MCU: variants seen among roughly 807,000 people sequenced by gnomAD.
The protein encoded by MCU is calcium uniporter protein, mitochondrial.
In MCU, 12 loss-of-function variants were observed where a neutral mutation model predicts 45.2. The ratio of observed to expected loss-of-function variants is 0.27; its 90% CI spans 0.17 to 0.43. MCU has a LOEUF of 0.43. MCU is among the 20% of genes least tolerant of loss of function. The probability of loss-of-function intolerance (pLI) is 1.00; values close to 1 mark genes in which losing one functional copy is unlikely to be tolerated. For missense variants in MCU, 324 were observed against 436.7 expected, an observed-to-expected ratio of 0.74 and a Z score of 2.30; for synonymous variants, 160 against 165.1, an observed-to-expected ratio of 0.97 and a Z score of 0.24.
intron 2 of MCU, among the ~76,000 whole-genome samples, chr10:72,852,782 A>G (rs530321079): frequency 1.3e-5 from 2 of 152,368 alleles, no homozygotes; most frequent in African/African-American, 4.8e-5. Flanking sequence ...GGAAATCTGC[A>G]TAGGCATCCT....
intron 1 of MCU, among the ~76,000 whole-genome samples, chr10:72,793,184 A>C (rs903171032): frequency 8.5e-5 from 13 of 152,054 alleles, no homozygotes; most frequent in African/African-American, 3.1e-4. Context: ...GCCTGATTAC[A>C]CTGCTTTTTA....
chr10:72,796,693 GT>G (rs34029455), intron 1 of MCU, among the ~76,000 whole-genome samples: 34 of 133,942 alleles, frequency 2.5e-4, no homozygotes, highest in South Asian at 7.2e-4. Context: ...TTTAGTTTTT[GT>G]TTTTTTTTTT....
chr10:72,839,091 G>A (rs569862577), intron 2 of MCU, among the ~76,000 whole-genome samples: 1 of 151,858 alleles, frequency 6.6e-6, no homozygotes, highest in African/African-American at 2.4e-5. Context: ...CTGGGTTCAA[G>A]CAATTCTCGT....
chr10:72,768,189 T>A (rs1344213704), intron 1 of MCU, among the ~76,000 whole-genome samples: 1 of 152,188 alleles, frequency 6.6e-6, no homozygotes, highest in Non-Finnish European at 1.5e-5. Context: ...AATAAAATTG[T>A]CATAGAATCT....
chr10:72,771,758 C>T (rs1843811900), intron 1 of MCU, among the ~76,000 whole-genome samples: 1 of 152,082 alleles, frequency 6.6e-6, no homozygotes, highest in African/African-American at 2.4e-5. Context: ...CACCTATCTA[C>T]CTATCGTCTA....
intron 1 of MCU, among the ~76,000 whole-genome samples, chr10:72,741,484 G>A (rs1435716927): frequency 6.6e-6 from 1 of 152,196 alleles, no homozygotes; most frequent in Non-Finnish European, 1.5e-5. Context: ...CAGTTTACTG[G>A]CATTTACTGA....
chr10:72,768,481 A>G (rs1292504115), intron 1 of MCU, among the ~76,000 whole-genome samples: 4 of 152,226 alleles, frequency 2.6e-5, no homozygotes, highest in Admixed American at 6.5e-5. Flanking sequence ...TAAGTAGTGA[A>G]GTTATCAAAC....
At chr10:72,839,053 G>T (rs539142969) in intron 2 of MCU, among the ~76,000 whole-genome samples, 2 of 151,188 alleles carry the variant, frequency 1.3e-5, no homozygotes, top group African/African-American at 4.9e-5. Context: ...GCAGTGGTGC[G>T]GTCTTGGCTC....
rs1158153986 is a variant in MCU at position 72,693,199 on chromosome 10, T to TGA, written c.150+911_150+912dup. The TGA allele has an allele frequency of 1.5e-3, 744 of 484,914 alleles. 2 individuals carry two copies. The highest frequency in any genetic ancestry group is 9.7e-3 in the African/African-American group (454 of 46,888). 30.0% of individuals were successfully genotyped at this position (484,914 alleles called of 1,614,324 possible). On this transcript the variant is annotated intron_variant, in intron 1 of 7. Transcript: ENST00000373053. ...GTGTGTGTGTGTGTGTGTGTGTGTG[T>TGA]GAGAGAGAGAGAGACAGAGTGTGAG...
At chr10:72,879,619 G>A (rs964173859) in intron 6 of MCU, among the ~76,000 whole-genome samples, 4 of 152,186 alleles carry the variant, frequency 2.6e-5, no homozygotes, top group Non-Finnish European at 2.9e-5. Flanking sequence ...ATTATCACAC[G>A]TGAAAAGTCG....
chr10:72,751,341 C>CTTTTTTTTTTTTTTTTTTTTTTTTT (rs71021528), intron 1 of MCU, among the ~76,000 whole-genome samples: 2 of 44,752 alleles, frequency 4.5e-5, no homozygotes, highest in African/African-American at 1.7e-4. Context: ...TCTTCTTCTT[C>CTTTTTTTTTTTTTTTTTTTTTTTTT]TTTTTTTTTT....
At chr10:72,862,182 C>T (rs1019971351) in intron 4 of MCU, among the ~76,000 whole-genome samples, 1 of 151,928 alleles carries the variant, frequency 6.6e-6, no homozygotes, top group African/African-American at 2.4e-5. Flanking sequence ...GGGGTTTCAC[C>T]GTGTTAGCCA....
intron 4 of MCU, among the ~76,000 whole-genome samples, chr10:72,867,109 C>G (rs1284182351): frequency 6.7e-6 from 1 of 150,324 alleles, no homozygotes; most frequent in Non-Finnish European, 1.5e-5. Flanking sequence ...CAGCTCTTCT[C>G]TAATCCAATT....
intron 1 of MCU, among the ~76,000 whole-genome samples, chr10:72,707,041 G>C (rs1261316525): frequency 6.6e-6 from 1 of 151,246 alleles, no homozygotes; most frequent in Non-Finnish European, 1.5e-5. Flanking sequence ...TGTTGGCCAG[G>C]CTGGTCTTGA....
intron 1 of MCU, among the ~76,000 whole-genome samples, chr10:72,731,568 T>G (rs1843174701): frequency 6.6e-6 from 1 of 152,136 alleles, no homozygotes; most frequent in African/African-American, 2.4e-5. Flanking sequence ...CCAGAATGTT[T>G]CCATCACTGC....
Position 72,797,221 on chromosome 10 carries a change from A to ATTC in MCU, c.151-37136_151-37135insCTT, listed in dbSNP as rs375904067. On this transcript the variant is annotated intron_variant, in intron 1 of 7. Transcript: ENST00000373053. The stretch of plus-strand genomic sequence containing the variant: ...CTACTTTATAACATACTTTTATTTT[A>ATTC]TTTTATTTTATTTTTTTTTTAAGAC... Among the ~76,000 whole-genome samples the ATTC allele has an allele frequency of 2.2e-4, 19 of 86,678 alleles. 2 individuals are homozygous for ATTC. The highest frequency in any genetic ancestry group is 2.6e-4 in the Non-Finnish European group (9 of 34,352). The allele number at this position is 86,678 out of a possible 152,430, so 56.9% of individuals were successfully genotyped here. A position where few individuals can be genotyped will look rare whatever the true frequency, so the allele number is the denominator to read the frequency against.
chr10:72,879,912 G>A (rs1392290754), intron 6 of MCU, among the ~76,000 whole-genome samples: 1 of 152,042 alleles, frequency 6.6e-6, no homozygotes, highest in East Asian at 1.9e-4. Context: ...GCTGGGCATG[G>A]TGGCACACAC....
intron 1 of MCU, among the ~76,000 whole-genome samples, chr10:72,733,210 G>A (rs541280960): frequency 1.3e-5 from 2 of 152,358 alleles, no homozygotes; most frequent in African/African-American, 4.8e-5. Context: ...TGTAATCCCA[G>A]CACTTTGGGA....
chr10:72,857,242 C>G (rs1481186598), intron 2 of MCU, among the ~76,000 whole-genome samples: 2 of 134,884 alleles, frequency 1.5e-5, no homozygotes, highest in African/African-American at 7.7e-5. Flanking sequence ...AGGGATTAAA[C>G]CCCCCCCTTT....
Sources: allele counts gnomAD v4.1 joint callset (sites outside exome capture counted in the v4.1 genomes callset), GRCh38; gene constraint gnomAD v4.1.1; transcripts MANE v1.5; gene names NCBI Gene and HGNC (gene_info 2026-07-23, HGNC 2026-07-21).